Variants in KDELR3 observed in about 807,000 individuals in gnomAD.
The protein encoded by KDELR3 is KDEL endoplasmic reticulum protein retention receptor 3, also known as ER lumen protein-retaining receptor 3.
In KDELR3, 26 loss-of-function variants were observed where a neutral mutation model predicts 22.7. That is an observed-to-expected ratio of 1.15 (90% CI 0.84 to 1.59). The LOEUF (loss-of-function observed/expected upper bound fraction) is 1.59, where lower values mean the gene tolerates loss of function less well. Among genes scored for constraint, KDELR3 ranks in the 40% most tolerant of loss-of-function variants. The probability of loss-of-function intolerance (pLI) is 0.00; values close to 1 mark genes in which losing one functional copy is unlikely to be tolerated. For missense variants in KDELR3, 289 were observed against 251.1 expected (o/e 1.15, Z -1.02); for synonymous variants, 120 against 98.2 (o/e 1.22, Z -1.31).
intron 1 of KDELR3, among the ~76,000 whole-genome samples, chr22:38,469,293 C>T (rs1467443282): frequency 6.6e-6 from 1 of 152,074 alleles, no homozygotes; most frequent in Non-Finnish European, 1.5e-5. Flanking sequence ...GGAGATGAGT[C>T]CAGGAGGGAG....
In KDELR3 at chr22:38,483,046, G is replaced by A. The variant is rs1373386620; in HGVS notation, c.*510G>A. The A allele has an allele frequency of 3.3e-5, 5 of 153,430 alleles. No homozygotes were observed. Among genetic ancestry groups the A allele is most frequent in the African/African-American group, 1.2e-4 (5 of 41,474 alleles). The allele number at this position is 153,430 out of a possible 1,614,324, so 9.5% of individuals were successfully genotyped here. ...GTGAAACTTATTTCACTTTCACACT[G>A]CCTTCAGGCCAGAAGCAAACCAAAT... On this transcript the variant is annotated 3_prime_UTR_variant, in exon 5 of 5. Coordinates refer to ENST00000216014, the MANE Select transcript of KDELR3 (RefSeq NM_006855.4).
chr22:38,468,211 G>A lies in KDELR3; in HGVS notation c.-23G>A. 6.2e-7 allele frequency: 1 copy of A among 1,611,134 alleles called. No individual in the cohort carries two copies. Among genetic ancestry groups the A allele is most frequent in the South Asian group, 1.1e-5 (1 of 91,044 alleles). On this transcript the variant is annotated 5_prime_UTR_variant, in exon 1 of 5. Transcript: ENST00000216014. ...TTTCCTAGAAGTTTGCTGGGCGCGG[G>A]CGCACGACTGACTGGCTGGACCATG... is the stretch of plus-strand genomic sequence containing the variant.
In KDELR3 at chr22:38,479,862, T is replaced by C. The variant is rs966508724; in HGVS notation, c.351+111T>C. 20 of 964,638 alleles carry C rather than the reference T, an allele frequency of 2.1e-5. No homozygotes were observed. In the Admixed American group the frequency reaches 4.4e-4, roughly 21 times the overall value. The allele number at this position is 964,638 out of a possible 1,614,324, so 59.8% of individuals were successfully genotyped here. On this transcript the variant is annotated intron_variant, in intron 3 of 4. Transcript: ENST00000216014. ...TACAACTGTGACCATTACTCATGTA[T>C]CTTTCAGTTATAAGTTGAGAAGAAA...
intron 1 of KDELR3, among the ~76,000 whole-genome samples, chr22:38,469,124 T>C (rs976230750): frequency 6.6e-6 from 1 of 152,184 alleles, no homozygotes; most frequent in African/African-American, 2.4e-5. Context: ...CCGAAGGCCC[T>C]GTGGAAGGAG....
intron 1 of KDELR3, among the ~76,000 whole-genome samples, chr22:38,469,455 G>C (rs2089510193): frequency 6.6e-6 from 1 of 152,238 alleles, no homozygotes; most frequent in African/African-American, 2.4e-5. Flanking sequence ...GCAGGGGGAG[G>C]CCTGGCAGGG....
chr22:38,476,344 C>G (rs187093616), intron 2 of KDELR3, among the ~76,000 whole-genome samples: 31 of 150,288 alleles, frequency 2.1e-4, no homozygotes, highest in Admixed American at 2.1e-3. Context: ...CTCAGCCTCC[C>G]GAGTAGCTGG....
chr22:38,471,963 C>T (rs1454376820), intron 1 of KDELR3, among the ~76,000 whole-genome samples: 5 of 151,128 alleles, frequency 3.3e-5, no homozygotes, highest in Admixed American at 2.6e-4. Context: ...GACCCTGCCT[C>T]ACAAAAAAAG....
In KDELR3 at chr22:38,474,607, A is replaced by G. The variant is rs1200848539; in HGVS notation, c.176A>G (p.Tyr59Cys). ...LDLFTNFISIYNTVMKVVFLL... is the reference protein window; with the variant it reads ...LDLFTNFISICNTVMKVVFLL... ...CTGTTCACCAACTTCATCTCCATCT[A>G]CAACACAGTAATGAAGGTGAGGGGC... The change falls in exon 2 of 5, where the codon TAC becomes TGC. Residue 59 changes from tyrosine to cysteine, a missense_variant. Coordinates refer to ENST00000216014, the MANE Select transcript of KDELR3 (RefSeq NM_006855.4). 6.2e-7 allele frequency: 1 copy of G among 1,613,158 alleles called. No homozygotes were observed. Among genetic ancestry groups the G allele is most frequent in the Non-Finnish European group, 8.5e-7 (1 of 1,179,376 alleles).
intron 2 of KDELR3, 49 bp from the exon 3 acceptor site, chr22:38,479,541 GGCC>G (rs2089583541): frequency 6.5e-7 from 1 of 1,538,980 alleles, no homozygotes; most frequent in African/African-American, 1.4e-5. Flanking sequence ...GTAGTAAATA[GGCC>G]GGGAAATGAC....
chr22:38,481,662 T>C, intron 4 of KDELR3, 198 bp downstream of exon 4: 1 of 1,417,578 alleles, frequency 7.1e-7, no homozygotes, highest in Non-Finnish European at 9.2e-7. Context: ...TTATGTGTAC[T>C]ATGCAAGACA....
rs935965308 is a variant in KDELR3 at position 38,483,351 on chromosome 22, T to C, written c.*815T>C. The C allele has an allele frequency of 6.6e-6, 1 of 152,206 alleles. No individual in the cohort carries two copies. Among genetic ancestry groups the C allele is most frequent in the Non-Finnish European group, 1.5e-5 (1 of 68,042 alleles). The allele number at this position is 152,206 out of a possible 1,614,324, so 9.4% of individuals were successfully genotyped here. ...GTGCGAAAGTAATCAGTCAATCCAA[T>C]ATCCCCCATCTTTGTCTTGAAACAA... On this transcript the variant is annotated 3_prime_UTR_variant, in exon 5 of 5. Transcript: ENST00000216014.
intron 2 of KDELR3, among the ~76,000 whole-genome samples, chr22:38,478,629 ATTT>A (rs55884876): frequency 1.1e-4 from 5 of 43,562 alleles, no homozygotes; most frequent in African/African-American, 1.9e-4. Flanking sequence ...AGCATCTGTG[ATTT>A]TTTTTTTTTT....
intron 3 of KDELR3, among the ~76,000 whole-genome samples, chr22:38,480,404 A>G (rs530067989): frequency 5.3e-5 from 8 of 152,176 alleles, no homozygotes; most frequent in East Asian, 3.9e-4. Flanking sequence ...TCGGCCTCCC[A>G]AAGTTCTCGG....
At chr22:38,475,730 C>A (rs117317474) in intron 2 of KDELR3, among the ~76,000 whole-genome samples, 1 of 151,978 alleles carries the variant, frequency 6.6e-6, no homozygotes, top group Admixed American at 6.6e-5. Context: ...GGTTTCAAGC[C>A]GGGAGCTTGC....
At chr22:38,480,962 TATAA>T (rs2145970802) in intron 3 of KDELR3, among the ~76,000 whole-genome samples, 1 of 152,052 alleles carries the variant, frequency 6.6e-6, no homozygotes, top group South Asian at 2.1e-4. Flanking sequence ...TAGTTTTCTA[TATAA>T]ATGCTCACGC....
At chr22:38,477,350 G>C (rs770727521) in intron 2 of KDELR3, among the ~76,000 whole-genome samples, 1 of 151,616 alleles carries the variant, frequency 6.6e-6, no homozygotes, top group Non-Finnish European at 1.5e-5. Flanking sequence ...GATTACAGGT[G>C]CACACCACCA....
At chr22:38,474,083 C>T (rs1355634181) in intron 1 of KDELR3, among the ~76,000 whole-genome samples, 2 of 152,216 alleles carry the variant, frequency 1.3e-5, no homozygotes, top group Admixed American at 6.6e-5. Context: ...TCTGGTCTCC[C>T]TGGTGAATCA....
chr22:38,481,168 T>G, intron 3 of KDELR3, 44 bp from the exon 4 acceptor site: 1 of 1,535,924 alleles, frequency 6.5e-7, no homozygotes, highest in African/African-American at 1.4e-5. Flanking sequence ...GATGGGCCTC[T>G]TCTTGGTCTT....
chr22:38,482,420 C>A, intron 4 of KDELR3, 76 bp from the exon 5 acceptor site: 1 of 1,208,428 alleles, frequency 8.3e-7, no homozygotes, highest in Non-Finnish European at 1.2e-6. Flanking sequence ...GAGATGATAC[C>A]AAGATTATGC....
Sources: allele counts gnomAD v4.1 joint callset (sites outside exome capture counted in the v4.1 genomes callset), GRCh38; gene constraint gnomAD v4.1.1; transcripts MANE v1.5; gene names NCBI Gene and HGNC (gene_info 2026-07-23, HGNC 2026-07-21).